Variants in CACNG2 observed in about 807,000 individuals in gnomAD.
The protein encoded by CACNG2 is voltage-dependent calcium channel gamma-2 subunit.
In CACNG2, 3 loss-of-function variants were observed where a neutral mutation model predicts 25.9. That is an observed-to-expected ratio of 0.12 (90% confidence interval 0.05 to 0.30). The LOEUF (loss-of-function observed/expected upper bound fraction) is 0.30. Among genes scored for constraint, CACNG2 ranks in the 10% least tolerant of loss-of-function variants. The pLI is 1.00. For synonymous variants in CACNG2, 167 were observed against 173.3 expected (o/e 0.96, Z 0.29); for missense variants, 341 against 432.5 (o/e 0.79, Z 1.88).
chr22:36,669,581 C>T (rs1378679067), intron 1 of CACNG2, among the ~76,000 whole-genome samples: 2 of 151,158 alleles, frequency 1.3e-5, no homozygotes, highest in Non-Finnish European at 2.9e-5. Flanking sequence ...AAACCACCCG[C>T]TTGAATGTTT....
At chr22:36,624,551 T>C (rs1936154867) in intron 1 of CACNG2, among the ~76,000 whole-genome samples, 2 of 152,154 alleles carry the variant, frequency 1.3e-5, no homozygotes, top group African/African-American at 2.4e-5. Flanking sequence ...TCCCTGCATA[T>C]CTTTCTACTC....
At chr22:36,584,702 G>C (rs777116025) in intron 2 of CACNG2, 1 of 152,210 alleles carries the variant, frequency 6.6e-6, no homozygotes, top group African/African-American at 2.4e-5. Context: ...ACCTCCTCTG[G>C]TCTGGGTTAG....
intron 2 of CACNG2, among the ~76,000 whole-genome samples, chr22:36,576,090 A>G (rs984142621): frequency 2.6e-5 from 4 of 152,262 alleles, no homozygotes; most frequent in African/African-American, 9.6e-5. Context: ...ATGCATGTTT[A>G]TAGCAGTACA....
chr22:36,644,792 A>G (rs1936494007), intron 1 of CACNG2, among the ~76,000 whole-genome samples: 1 of 152,120 alleles, frequency 6.6e-6, no homozygotes, highest in African/African-American at 2.4e-5. Flanking sequence ...AGCCCTATAT[A>G]AGTGGTTTTT....
At chr22:36,619,708 A>G (rs1349870967) in intron 1 of CACNG2, among the ~76,000 whole-genome samples, 1 of 152,234 alleles carries the variant, frequency 6.6e-6, no homozygotes, top group Non-Finnish European at 1.5e-5. Context: ...TTTGTGATGT[A>G]AGATCAAAGT....
At chr22:36,684,326 A>T (rs1937167787) in intron 1 of CACNG2, among the ~76,000 whole-genome samples, 1 of 152,192 alleles carries the variant, frequency 6.6e-6, no homozygotes, top group Non-Finnish European at 1.5e-5. Flanking sequence ...TTAAAGATAC[A>T]TGTTTGAGGC....
chr22:36,621,283 G>T (rs141478071), intron 1 of CACNG2, among the ~76,000 whole-genome samples: 2 of 152,106 alleles, frequency 1.3e-5, no homozygotes, highest in Non-Finnish European at 2.9e-5. Context: ...CGAGGCGGGC[G>T]AATCACCTGA....
intron 1 of CACNG2, among the ~76,000 whole-genome samples, chr22:36,664,423 G>A (rs577853079): frequency 5.8e-4 from 89 of 152,306 alleles, no homozygotes; most frequent in African/African-American, 1.9e-3. Flanking sequence ...TAAAGCTTAC[G>A]CTCATTCCAC....
chr22:36,613,913 C>T (rs1311443137), intron 1 of CACNG2, among the ~76,000 whole-genome samples: 2 of 152,154 alleles, frequency 1.3e-5, no homozygotes, highest in African/African-American at 4.8e-5. Flanking sequence ...TCTCCACTCC[C>T]AGCAAATCGC....
At chr22:36,673,464 C>T (rs1046786933) in intron 1 of CACNG2, among the ~76,000 whole-genome samples, 13 of 152,160 alleles carry the variant, frequency 8.5e-5, no homozygotes, top group Middle Eastern at 3.2e-3. Flanking sequence ...GAAAACACCT[C>T]GCAGAACATA....
Position 36,564,201 on chromosome 22 carries a change from GTGTT to G in CACNG2, c.*146_*149del. The G allele has an allele frequency of 1.7e-6, 1 of 601,362 alleles. No individual in the cohort carries two copies. Among genetic ancestry groups the G allele is most frequent in the Non-Finnish European group, 2.8e-6 (1 of 361,582 alleles). The allele number at this position is 601,362 out of a possible 1,614,324, so 37.3% of individuals were successfully genotyped here. On this transcript the variant is annotated 3_prime_UTR_variant, in exon 4 of 4. Coordinates refer to ENST00000300105, the MANE Select transcript of CACNG2 (RefSeq NM_006078.5). This position sits in a 1 kb window ranked among gnomAD's most constrained non-coding sequence, Gnocchi z 6.7. ...GTTTTTTCTCTTTTTTTGTGTGTGT[GTGTT>G]TTTTTGTTTTTTGTTTTTTTGTTTT...
chr22:36,667,548 C>A (rs1362788956), intron 1 of CACNG2, among the ~76,000 whole-genome samples: 1 of 152,168 alleles, frequency 6.6e-6, no homozygotes. Context: ...GGAGGAAGCA[C>A]AGGCTGGATG....
At chr22:36,591,166 A>T (rs1402760630) in intron 1 of CACNG2, among the ~76,000 whole-genome samples, 2 of 151,530 alleles carry the variant, frequency 1.3e-5, no homozygotes, top group Non-Finnish European at 3.0e-5. Flanking sequence ...CCTCCAGAGT[A>T]GCTGGAACTA....
chr22:36,649,581 C>G (rs761644839), intron 1 of CACNG2, among the ~76,000 whole-genome samples: 1 of 152,142 alleles, frequency 6.6e-6, no homozygotes, highest in Non-Finnish European at 1.5e-5. Flanking sequence ...CCACCACGCC[C>G]GGCCAACAGC....
intron 1 of CACNG2, among the ~76,000 whole-genome samples, chr22:36,688,691 GC>G (rs1320269770): frequency 2.0e-5 from 3 of 152,078 alleles, no homozygotes; most frequent in African/African-American, 7.2e-5. Flanking sequence ...AAAGAAACAG[GC>G]CCAGCCCGCC....
At chr22:36,588,317 C>T (rs957985277) in intron 1 of CACNG2, among the ~76,000 whole-genome samples, 1 of 152,178 alleles carries the variant, frequency 6.6e-6, no homozygotes, top group African/African-American at 2.4e-5. Context: ...AATGTTTCCT[C>T]GGTGCCTGCT....
At chr22:36,580,662 G>A (rs968046619) in intron 2 of CACNG2, among the ~76,000 whole-genome samples, 1 of 152,138 alleles carries the variant, frequency 6.6e-6, no homozygotes, top group Non-Finnish European at 1.5e-5. Context: ...GGGGAGACCT[G>A]ACCATACCCC....
At chr22:36,700,390 T>C (rs904714890) in intron 1 of CACNG2, among the ~76,000 whole-genome samples, 2 of 152,208 alleles carry the variant, frequency 1.3e-5, no homozygotes, top group East Asian at 3.8e-4. Context: ...TATTAAGAAT[T>C]TGGAAATAAA....
At chr22:36,621,087 C>T (rs1936096839) in intron 1 of CACNG2, among the ~76,000 whole-genome samples, 1 of 152,212 alleles carries the variant, frequency 6.6e-6, no homozygotes, top group African/African-American at 2.4e-5. Context: ...TTGGATTAAA[C>T]TTGCTGCCTG....
Sources: gnomAD v4.1 joint callset for allele counts (sites outside exome capture counted in the v4.1 genomes callset) on GRCh38, gnomAD v4.1.1 for gene constraint, Gnocchi (gnomAD v3.1) non-coding constraint, MANE v1.5 for transcripts, NCBI Gene and HGNC (gene_info 2026-07-23, HGNC 2026-07-21) for gene names.